Variants in ABCA12 observed in about 807,000 individuals in gnomAD.
ABCA12 encodes the protein glucosylceramide transporter ABCA12.
A neutral mutation model predicts 293.5 loss-of-function variants in ABCA12; 156 were observed. The ratio of observed to expected loss-of-function variants is 0.53; its 90% confidence interval spans 0.47 to 0.61. ABCA12 has a LOEUF of 0.61. Among genes scored for constraint, ABCA12 ranks in the 20% least tolerant of loss-of-function variants. The pLI, the probability that ABCA12 is intolerant of heterozygous loss-of-function variation, is 0.00. For synonymous variants in ABCA12, 1,063 were observed against 1,108.0 expected, an observed-to-expected ratio of 0.96 and a Z score of 0.81; for missense variants, 2,797 against 3,090.2, an observed-to-expected ratio of 0.91 and a Z score of 2.25.
chr2:215,059,900 A>G (rs553717332), intron 3 of ABCA12, among the ~76,000 whole-genome samples: 1 of 152,124 alleles, frequency 6.6e-6, no homozygotes. Flanking sequence ...CCTTTCACTG[A>G]ATTCTGGCAT....
At chr2:215,129,196 G>C (rs1162298889) in intron 1 of ABCA12, among the ~76,000 whole-genome samples, 1 of 152,200 alleles carries the variant, frequency 6.6e-6, no homozygotes, top group Non-Finnish European at 1.5e-5. Context: ...AGCTTCTCCT[G>C]TGGAGGTGTG....
intron 47 of ABCA12, 89 bp downstream of exon 47, chr2:214,948,507 C>T (rs1433688859): frequency 1.4e-5 from 19 of 1,345,194 alleles, no homozygotes; most frequent in Middle Eastern, 4.2e-4. Flanking sequence ...AATGGTGGGG[C>T]AGGGGGGACA....
chr2:214,949,538 A>G (rs1049861969), intron 45 of ABCA12, among the ~76,000 whole-genome samples: 1 of 152,112 alleles, frequency 6.6e-6, no homozygotes, highest in African/African-American at 2.4e-5. Context: ...TCACAACTTC[A>G]CTGAATAAAC....
intron 3 of ABCA12, among the ~76,000 whole-genome samples, chr2:215,061,255 G>T (rs894241526): frequency 6.6e-6 from 1 of 152,028 alleles, no homozygotes; most frequent in Non-Finnish European, 1.5e-5. Flanking sequence ...ATCTCATCCT[G>T]AAGCTAATGC....
intron 6 of ABCA12, among the ~76,000 whole-genome samples, chr2:215,049,209 T>C (rs1323018117): frequency 6.6e-6 from 1 of 152,172 alleles, no homozygotes; most frequent in Non-Finnish European, 1.5e-5. Context: ...TCAAACTAGG[T>C]TTGAAGTCAG....
intron 50 of ABCA12, among the ~76,000 whole-genome samples, chr2:214,941,381 C>T (rs1328663292): frequency 6.6e-6 from 1 of 152,088 alleles, no homozygotes; most frequent in Non-Finnish European, 1.5e-5. Context: ...ATTATGTGGT[C>T]AATTTTAGAA....
At position 215,031,871 on chromosome 2, in the gene ABCA12, C is replaced by T; in HGVS notation, c.1011G>A (p.Val337=). The T allele has an allele frequency of 6.2e-7, 1 of 1,613,964 alleles. No homozygotes were observed. Among genetic ancestry groups the T allele is most frequent in the Non-Finnish European group, 8.5e-7 (1 of 1,179,938 alleles). ...AGGTCTGTCCATCATCCTCATTCCA[C>T]ACATGCGTTATATTATCGGAGTCAC... ...AQGDSDNITH[V]WNEDDGQTLS... The change falls in exon 9 of 53, where the codon GTG becomes GTA. Residue 337 remains valine (V), a synonymous_variant. Transcript: ENST00000272895.
chr2:215,114,820 T>C (rs143192904), intron 1 of ABCA12, among the ~76,000 whole-genome samples: 15 of 152,340 alleles, frequency 9.8e-5, no homozygotes, highest in African/African-American at 3.4e-4. Context: ...ATCAGTTTTG[T>C]ATTTGAGGTC....
At chr2:215,076,537 A>G (rs891981212) in intron 2 of ABCA12, among the ~76,000 whole-genome samples, 1 of 152,174 alleles carries the variant, frequency 6.6e-6, no homozygotes, top group African/African-American at 2.4e-5. Context: ...ATATGGAGGA[A>G]TGGGAACTCT....
At chr2:215,062,880 AT>A (rs748170860) in intron 3 of ABCA12, among the ~76,000 whole-genome samples, 11 of 151,966 alleles carry the variant, frequency 7.2e-5, no homozygotes, top group Non-Finnish European at 1.3e-4. Flanking sequence ...TATGCTATTT[AT>A]TTATTTGATC....
At chr2:214,985,429 G>A (rs1315337851) in intron 28 of ABCA12, among the ~76,000 whole-genome samples, 1 of 152,092 alleles carries the variant, frequency 6.6e-6, no homozygotes, top group African/African-American at 2.4e-5. Flanking sequence ...AGGAAGGAGA[G>A]GATCAGGAAA....
chr2:215,015,293 T>C (rs1700467928), intron 15 of ABCA12, among the ~76,000 whole-genome samples, 197 bp downstream of exon 15: 1 of 152,142 alleles, frequency 6.6e-6, no homozygotes, highest in Non-Finnish European at 1.5e-5. Context: ...AGGAATAATA[T>C]CAGTTTCCAC....
At chr2:214,984,544 A>G (rs773311515) in intron 28 of ABCA12, among the ~76,000 whole-genome samples, 17 of 152,122 alleles carry the variant, frequency 1.1e-4, no homozygotes, top group Non-Finnish European at 2.1e-4. Context: ...ATTGCTCTAT[A>G]TATCTATCAG....
At chr2:214,982,003 C>T (rs535331997) in intron 30 of ABCA12, among the ~76,000 whole-genome samples, 184 bp downstream of exon 30, 4 of 143,794 alleles carry the variant, frequency 2.8e-5, no homozygotes, top group South Asian at 2.2e-4. Flanking sequence ...TTATTGACAG[C>T]GTCTCACTAT....
intron 2 of ABCA12, among the ~76,000 whole-genome samples, chr2:215,081,495 A>AAAAAAAAAAAAAAAAAAAAAAAG (rs1553541627): frequency 1.6e-5 from 2 of 127,500 alleles, no homozygotes; most frequent in Non-Finnish European, 3.2e-5. Context: ...AAAAAAAAGA[A>AAAAAAAAAAAAAAAAAAAAAAAG]AAAGAAAAAA....
intron 1 of ABCA12, among the ~76,000 whole-genome samples, chr2:215,123,575 C>A (rs1702853971): frequency 6.6e-6 from 1 of 152,102 alleles, no homozygotes; most frequent in South Asian, 2.1e-4. Flanking sequence ...TGCATGTGTC[C>A]TTTGGGTGGA....
At chr2:215,065,774 T>C (rs1701629519) in intron 2 of ABCA12, among the ~76,000 whole-genome samples, 1 of 152,086 alleles carries the variant, frequency 6.6e-6, no homozygotes. Flanking sequence ...TCCAGAACTG[T>C]AAAATAATAA....
rs757244082 is a variant in ABCA12, at chr2:214,950,879, C to G, written c.6852G>C (p.Glu2284Asp). Residue 2284 changes from glutamate (E) to aspartate (D), a missense_variant and splice_region_variant, in exon 45 of 53, where the codon GAG becomes GAC. Coordinates refer to ENST00000272895, the MANE Select transcript of ABCA12 (RefSeq NM_173076.3). ...TTAGAAACAAAACACAGTTTCTTACCTCTCCAGCAGGTATCCCAATGCTGA... is the reference window on the plus strand; with the variant it reads ...TTAGAAACAAAACACAGTTTCTTACGTCTCCAGCAGGTATCCCAATGCTGA... ...NNISIGIPAGECFGLLGVNGA... is the reference protein window; with the variant it reads ...NNISIGIPAGDCFGLLGVNGA... 9.5e-5 allele frequency: 154 copies of G among 1,613,680 alleles called. No individual in the cohort carries two copies. In the Middle Eastern group the frequency reaches 4.1e-3, roughly 43 times the overall value.
chr2:214,969,060 G>C (rs1015153694), intron 37 of ABCA12, among the ~76,000 whole-genome samples: 1 of 152,002 alleles, frequency 6.6e-6, no homozygotes, highest in African/African-American at 2.4e-5. Flanking sequence ...TCCTGAAAAT[G>C]AGTGGCATAT....
Sources: gnomAD v4.1 joint callset for allele counts (sites outside exome capture counted in the v4.1 genomes callset) on GRCh38, gnomAD v4.1.1 for gene constraint, MANE v1.5 for transcripts, NCBI Gene and HGNC (gene_info 2026-07-23, HGNC 2026-07-21) for gene names.